MCC: variants seen among roughly 807,000 people sequenced by gnomAD.
MCC encodes colorectal mutant cancer protein.
Under a neutral mutation model 116.2 loss-of-function variants are expected in MCC, and 90 were observed. The ratio of observed to expected loss-of-function variants is 0.77; its 90% CI spans 0.65 to 0.92. MCC has a LOEUF of 0.92. Among genes scored for constraint, MCC ranks in the 40% least tolerant of loss-of-function variants. The pLI, the probability that MCC is intolerant of heterozygous loss-of-function variation, is 0.00. For missense variants in MCC, 1,516 were observed against 1,312.2 expected (o/e 1.16, Z -2.40); for synonymous variants, 578 against 510.5 (o/e 1.13, Z -1.78).
chr5:113,387,407 C>T (rs1453198937), intron 1 of MCC, among the ~76,000 whole-genome samples: 1 of 152,070 alleles, frequency 6.6e-6, no homozygotes, highest in East Asian at 1.9e-4. Context: ...CCAGATTCAT[C>T]CAAGAGTTAG....
At chr5:113,287,338 CT>C (rs1042504538) in intron 3 of MCC, among the ~76,000 whole-genome samples, 4 of 150,838 alleles carry the variant, frequency 2.7e-5, no homozygotes, top group Admixed American at 6.6e-5. Flanking sequence ...TCAACAACTT[CT>C]TTTTTTTGAG....
At chr5:113,472,150 G>A (rs1206583964) in intron 1 of MCC, among the ~76,000 whole-genome samples, 1 of 152,076 alleles carries the variant, frequency 6.6e-6, no homozygotes, top group African/African-American at 2.4e-5. Flanking sequence ...GCTCACGCAC[G>A]GTGCGCTGCA....
intron 3 of MCC, among the ~76,000 whole-genome samples, chr5:113,280,577 G>C (rs771805059): frequency 3.9e-5 from 6 of 152,134 alleles, no homozygotes; most frequent in Admixed American, 1.3e-4. Context: ...GCACTCACCA[G>C]GAGTTGAGAA....
chr5:113,262,834 G>A (rs1765264072), intron 3 of MCC, among the ~76,000 whole-genome samples: 1 of 151,954 alleles, frequency 6.6e-6, no homozygotes, highest in South Asian at 2.1e-4. Flanking sequence ...TTTCTAACAA[G>A]GTCTCAGGTG....
intron 3 of MCC, among the ~76,000 whole-genome samples, chr5:113,258,682 T>G (rs1288166902): frequency 6.6e-6 from 1 of 152,220 alleles, no homozygotes; most frequent in Non-Finnish European, 1.5e-5. Flanking sequence ...TGGGGGTCAC[T>G]CACTTAGGAG....
intron 3 of MCC, among the ~76,000 whole-genome samples, chr5:113,246,776 A>C (rs1764592880): frequency 6.6e-6 from 1 of 151,990 alleles, no homozygotes; most frequent in South Asian, 2.1e-4. Flanking sequence ...AAAGCACTCT[A>C]CTCTCCTTGT....
chr5:113,097,782 C>G (rs1756117908), intron 8 of MCC, among the ~76,000 whole-genome samples: 1 of 152,188 alleles, frequency 6.6e-6, no homozygotes, highest in Non-Finnish European at 1.5e-5. Context: ...CTCGGCCTCC[C>G]AGAGTGCTAG....
chr5:113,424,577 T>G (rs1770434234), intron 1 of MCC, among the ~76,000 whole-genome samples: 1 of 152,060 alleles, frequency 6.6e-6, no homozygotes, highest in African/African-American at 2.4e-5. Context: ...TAGCTGGGTG[T>G]GGTGGCAGGT....
chr5:113,324,627 G>C (rs986326066), intron 3 of MCC, among the ~76,000 whole-genome samples: 3 of 152,028 alleles, frequency 2.0e-5, no homozygotes, highest in Non-Finnish European at 4.4e-5. Flanking sequence ...AAAATATAAA[G>C]AAGAAAATAG....
intron 1 of MCC, among the ~76,000 whole-genome samples, chr5:113,386,754 C>CATATATATATATATAT (rs10673164): frequency 0.021 from 2,958 of 140,726 alleles, 67 homozygotes; most frequent in African/African-American, 0.052. Flanking sequence ...ATATGTATAT[C>CATATATATATATATAT]ATATATATAT....
intron 3 of MCC, among the ~76,000 whole-genome samples, chr5:113,184,367 G>A (rs1236261269): frequency 6.6e-6 from 1 of 152,012 alleles, no homozygotes; most frequent in Non-Finnish European, 1.5e-5. Flanking sequence ...GTTTGGATGG[G>A]TTAGAAAGAT....
At chr5:113,290,424 C>G (rs1290084449) in intron 3 of MCC, among the ~76,000 whole-genome samples, 1 of 152,110 alleles carries the variant, frequency 6.6e-6, no homozygotes, top group African/African-American at 2.4e-5. Flanking sequence ...AATATTTTTT[C>G]ATCTCCAGAG....
chr5:113,337,699 GC>G (rs1479805303), intron 3 of MCC, among the ~76,000 whole-genome samples: 3 of 152,084 alleles, frequency 2.0e-5, no homozygotes, highest in African/African-American at 7.2e-5. Flanking sequence ...CTGATAAAAT[GC>G]CTTTTGCTCT....
chr5:113,474,738 A>G (rs1314891447), intron 1 of MCC, among the ~76,000 whole-genome samples: 2 of 152,192 alleles, frequency 1.3e-5, no homozygotes, highest in African/African-American at 4.8e-5. Context: ...AAAAAGGGAG[A>G]GAGGGATAAG....
chr5:113,178,187 T>C (rs953234268), intron 3 of MCC, among the ~76,000 whole-genome samples: 2 of 152,114 alleles, frequency 1.3e-5, no homozygotes, highest in African/African-American at 4.8e-5. Flanking sequence ...GGAGGAGCAT[T>C]TCTGGAGTCA....
chr5:113,383,386 A>C (rs1176211412), intron 2 of MCC, among the ~76,000 whole-genome samples: 2 of 152,338 alleles, frequency 1.3e-5, no homozygotes, highest in East Asian at 3.9e-4. Flanking sequence ...CTGAGTGTCT[A>C]TTTTGTGTCA....
intron 5 of MCC, among the ~76,000 whole-genome samples, chr5:113,130,983 C>T (rs932761046): frequency 4.6e-5 from 7 of 152,184 alleles, no homozygotes; most frequent in African/African-American, 1.7e-4. Flanking sequence ...CTCCAAATAC[C>T]ATCACAATAG....
chr5:113,168,202 G>C (rs1760877982), intron 3 of MCC, among the ~76,000 whole-genome samples: 1 of 152,122 alleles, frequency 6.6e-6, no homozygotes, highest in Non-Finnish European at 1.5e-5. Context: ...AAGCCTATTT[G>C]GAGCTTTATA....
At chr5:113,283,671 G>T (rs1182966681) in intron 3 of MCC, among the ~76,000 whole-genome samples, 1 of 152,146 alleles carries the variant, frequency 6.6e-6, no homozygotes, top group Non-Finnish European at 1.5e-5. Context: ...CCCGCAAAAA[G>T]AAAGGCGTAT....
Sources: gnomAD v4.1 joint callset for allele counts (sites outside exome capture counted in the v4.1 genomes callset) on GRCh38, gnomAD v4.1.1 for gene constraint, MANE v1.5 for transcripts, NCBI Gene and HGNC (gene_info 2026-07-23, HGNC 2026-07-21) for gene names.